The following BLTP1 variants were observed in gnomAD, a reference collection of about 807,000 sequenced individuals.
The protein encoded by BLTP1 is fragile site-associated protein.
At chr4:122,212,262 G>A in the BLTP1 span, among the ~76,000 whole-genome samples, 1 of 152,104 alleles carries the variant, frequency 6.6e-6, no homozygotes, top group Non-Finnish European at 1.5e-5. Flanking sequence ...TATAAAAGAT[G>A]CAAGGGAAAA....
chr4:122,280,124 G>C, the BLTP1 span: 1 of 1,502,054 alleles, frequency 6.7e-7, no homozygotes, highest in African/African-American at 1.4e-5. Context: ...GAGGAGAGTA[G>C]CCAATTGTGA....
the BLTP1 span, among the ~76,000 whole-genome samples, chr4:122,233,871 A>C: frequency 6.6e-6 from 1 of 152,174 alleles, no homozygotes; most frequent in Non-Finnish European, 1.5e-5. Flanking sequence ...ATGGATAAGG[A>C]CTATATCAGT....
At chr4:122,249,986 G>A in the BLTP1 span, 1 of 960,006 alleles carries the variant, frequency 1.0e-6, no homozygotes, top group Non-Finnish European at 1.2e-6. Context: ...TTGAAAACTG[G>A]ATCTTTGGTC....
chr4:122,187,340 A>G, the BLTP1 span: 1 of 1,536,466 alleles, frequency 6.5e-7, no homozygotes, highest in South Asian at 1.3e-5. Context: ...GGTAAACTGA[A>G]ACTGTGAGGT....
chr4:122,279,228 G>A, the BLTP1 span, among the ~76,000 whole-genome samples: 1 of 152,100 alleles, frequency 6.6e-6, no homozygotes, highest in Admixed American at 6.5e-5. Context: ...GTTGTCTATG[G>A]TGTTGGCTGT....
At chr4:122,346,532 T>A in the BLTP1 span, 1 of 1,476,752 alleles carries the variant, frequency 6.8e-7, no homozygotes, top group Non-Finnish European at 9.0e-7. Flanking sequence ...TAAGTATAAT[T>A]CAGCTGTGTA....
the BLTP1 span, among the ~76,000 whole-genome samples, chr4:122,319,275 CCTTT>C: frequency 6.6e-6 from 1 of 151,134 alleles, no homozygotes; most frequent in African/African-American, 2.4e-5. Flanking sequence ...TTTAATTTGC[CCTTT>C]TTTTTCTAGT....
At chr4:122,325,539 A>G in the BLTP1 span, 1 of 1,227,042 alleles carries the variant, frequency 8.1e-7, no homozygotes, top group Non-Finnish European at 1.0e-6. Flanking sequence ...TTTTACATGC[A>G]CAATAAAGGC....
chr4:122,318,732 T>C, the BLTP1 span, among the ~76,000 whole-genome samples: 1 of 152,218 alleles, frequency 6.6e-6, no homozygotes, highest in Non-Finnish European at 1.5e-5. Flanking sequence ...TTTGCAGGTT[T>C]AGTCGGTCCC....
At chr4:122,197,367 G>T in the BLTP1 span, 2 of 1,023,336 alleles carry the variant, frequency 2.0e-6, no homozygotes, top group Middle Eastern at 3.5e-4. Flanking sequence ...ACATTAATAA[G>T]GTTTTCTTTT....
the BLTP1 span, among the ~76,000 whole-genome samples, chr4:122,323,396 A>G: frequency 1.3e-5 from 2 of 152,080 alleles, no homozygotes; most frequent in African/African-American, 2.4e-5. Flanking sequence ...AAAGGAAAAA[A>G]AAAGTAATTG....
At chr4:122,207,338 G>C in the BLTP1 span, 1 of 1,429,436 alleles carries the variant, frequency 7.0e-7, no homozygotes, top group Non-Finnish European at 9.5e-7. Context: ...AATTAGTATT[G>C]ATTTGATAGT....
the BLTP1 span, chr4:122,231,572 CAT>C: frequency 1.2e-6 from 1 of 803,676 alleles, no homozygotes; most frequent in Non-Finnish European, 1.5e-6. Flanking sequence ...TTTTTATTTT[CAT>C]ATATGACTTT....
chr4:122,243,122 G>C, the BLTP1 span: 1 of 1,503,216 alleles, frequency 6.7e-7, no homozygotes, highest in African/African-American at 1.4e-5. Context: ...GAGATGGGTA[G>C]AGTTTATTCT....
At chr4:122,221,950 G>A in the BLTP1 span, 2 of 960,044 alleles carry the variant, frequency 2.1e-6, no homozygotes, top group East Asian at 1.2e-4. Context: ...TTATTGAGCT[G>A]ATTATGAATG....
At chr4:122,188,078 C>T in the BLTP1 span, 1 of 1,484,624 alleles carries the variant, frequency 6.7e-7, no homozygotes, top group Non-Finnish European at 9.0e-7. Context: ...TGTTGGTCTT[C>T]AAAATGATGA....
At chr4:122,338,314 T>A in the BLTP1 span, among the ~76,000 whole-genome samples, 4 of 151,156 alleles carry the variant, frequency 2.6e-5, no homozygotes, top group Non-Finnish European at 5.9e-5. Context: ...CAAAAAAAAA[T>A]AAAATAAAAT....
chr4:122,322,753 C>T, the BLTP1 span, among the ~76,000 whole-genome samples: 1 of 152,070 alleles, frequency 6.6e-6, no homozygotes, highest in Non-Finnish European at 1.5e-5. Context: ...TTAGATGGAC[C>T]AGTATGGATA....
the BLTP1 span, chr4:122,343,308 T>C: frequency 6.9e-7 from 1 of 1,445,666 alleles, no homozygotes; most frequent in Non-Finnish European, 9.3e-7. Flanking sequence ...TGTTTGAGTG[T>C]TTCCATTTTA....
Sources: allele counts gnomAD v4.1 joint callset (sites outside exome capture counted in the v4.1 genomes callset), GRCh38; gene constraint gnomAD v4.1.1; transcripts MANE v1.5; gene names NCBI Gene and HGNC (gene_info 2026-07-23, HGNC 2026-07-21).